IGDCC3: variants seen among roughly 807,000 people sequenced by gnomAD.
IGDCC3 encodes immunoglobulin superfamily DCC subclass member 3.
IGDCC3 carries 47 observed loss-of-function variants against 72.0 expected under a neutral mutation model. The observed-to-expected ratio is 0.65, with a 90% CI of 0.52 to 0.83. The LOEUF is 0.83. Among genes scored for constraint, IGDCC3 ranks in the 40% least tolerant of loss-of-function variants. The pLI, the probability that IGDCC3 is intolerant of heterozygous loss-of-function variation, is 0.00. For synonymous variants in IGDCC3, 477 were observed against 472.8 expected (o/e 1.01, Z -0.11); for missense variants, 1,038 against 1,091.3 (o/e 0.95, Z 0.69).
At position 65,330,653 on chromosome 15, in the gene IGDCC3, G is replaced by A. The variant is rs147526943; in HGVS notation, c.1650C>T (p.His550=). ...GGTAAAACAGCTTGAAGCCGCCCTCGTGCTGGGCCAGCCGGGGCCAAGGCT... is the reference window on the plus strand; with the variant it reads ...GGTAAAACAGCTTGAAGCCGCCCTCATGCTGGGCCAGCCGGGGCCAAGGCT... ...LWEPWPRLAQ[H]EGGFKLFYRP... Residue 550 remains histidine, a synonymous_variant, in exon 10 of 14, where the codon CAC becomes CAT. Transcript: ENST00000327987. 56 of 1,613,430 alleles carry A rather than the reference G, an allele frequency of 3.5e-5. 1 individual carries two copies. In the African/African-American group the frequency reaches 3.7e-4, roughly 11 times the overall value.
At chr15:65,336,095 G>A (rs757491672) in intron 2 of IGDCC3, 139 bp from the exon 3 acceptor site, 1 of 813,328 alleles carries the variant, frequency 1.2e-6, no homozygotes, top group Non-Finnish European at 2.0e-6. Flanking sequence ...AAGGGCAATA[G>A]CTTGGGGGAC....
Position 65,330,551 on chromosome 15 carries a change from G to A in IGDCC3, c.1752C>T (p.Leu584=), listed in dbSNP as rs137911805. The A allele has an allele frequency of 1.2e-4, 191 of 1,612,528 alleles. No homozygotes were observed. In the Middle Eastern group the frequency reaches 1.3e-3, roughly 11 times the overall value. The change falls in exon 10 of 14, where the codon CTC becomes CTT. Residue 584 remains leucine, a splice_region_variant and synonymous_variant. Coordinates refer to ENST00000327987, the MANE Select transcript of IGDCC3 (RefSeq NM_004884.4). ...GGCTCTGGGCTGTGTCTGCCTCACC[G>A]AGCTGGCTGAGGTTGTAGGAGGAGA... ...GTVSSYNLSQ[L]DPTAVYEVKL... is the part of the protein sequence containing the mutation.
At chr15:65,341,917 GCA>G (rs1314786282) in intron 2 of IGDCC3, among the ~76,000 whole-genome samples, 1 of 152,178 alleles carries the variant, frequency 6.6e-6, no homozygotes, top group Non-Finnish European at 1.5e-5. Context: ...GGGGTTACAG[GCA>G]CCTGCCACCA....
chr15:65,345,422 C>G (rs571392765), intron 2 of IGDCC3, among the ~76,000 whole-genome samples: 28 of 152,126 alleles, frequency 1.8e-4, no homozygotes, highest in Middle Eastern at 3.4e-3. Flanking sequence ...GGTATGGTGG[C>G]GTGTGCCTGT....
Position 65,377,758 on chromosome 15 carries a change from G to A in IGDCC3, c.31C>T (p.Arg11Cys), listed in dbSNP as rs1348250857. The change falls in exon 1 of 14, where the codon CGC becomes TGC. Residue 11 changes from arginine (R) to cysteine (C), a missense_variant. Transcript: ENST00000327987. The surrounding 1 kb of genome is among the most constrained non-coding windows in gnomAD (Gnocchi z 4.9). Reference protein sequence around the residue: MAVQRAASPRRPPAPLWPRLL... With the variant: MAVQRAASPRCPPAPLWPRLL... ...CGGGGCCAGAGCGGGGCGGGCGGGCGGCGCGGAGACGCGGCGCGCTGCACA... is the reference window on the plus strand; with the variant it reads ...CGGGGCCAGAGCGGGGCGGGCGGGCAGCGCGGAGACGCGGCGCGCTGCACA... 11 of 1,308,224 alleles carry A rather than the reference G, an allele frequency of 8.4e-6. No individual in the cohort carries two copies. The East Asian group carries it at 1.6e-4, about 19-fold the overall frequency. The allele number at this position is 1,308,224 out of a possible 1,614,324, so 81.0% of individuals were successfully genotyped here. A position where few individuals can be genotyped will look rare whatever the true frequency, so the allele number is the denominator to read the frequency against.
chr15:65,350,370 C>T (rs62015026), intron 2 of IGDCC3, among the ~76,000 whole-genome samples: 25 of 151,718 alleles, frequency 1.6e-4, no homozygotes, highest in African/African-American at 5.6e-4. Flanking sequence ...GACCTCAGCC[C>T]GCCTCAGCCT....
Position 65,370,560 on chromosome 15 carries a change from ATATATATATGTATG to A in IGDCC3, c.409+4523_409+4536del, listed in dbSNP as rs1326175110. Among the ~76,000 whole-genome samples the A allele has an allele frequency of 2.3e-3, 303 of 130,208 alleles. 1 individual carries two copies. Among genetic ancestry groups the A allele is most frequent in the Non-Finnish European group, 3.2e-3 (204 of 63,742 alleles). 85.4% of individuals were successfully genotyped at this position (130,208 alleles called of 152,430 possible). On this transcript the variant is annotated intron_variant, in intron 2 of 13. Transcript: ENST00000327987. ...TATTTATATATATATGTGTGTGTGT[ATATATATATGTATG>A]TATATATATGTATGTATATATATGT...
At chr15:65,331,301 G>C in intron 8 of IGDCC3, 87 bp from the exon 9 acceptor site, 2 of 1,565,470 alleles carry the variant, frequency 1.3e-6, no homozygotes, top group Non-Finnish European at 1.7e-6. Flanking sequence ...CAGGGTGCCC[G>C]GGGGGACAGC....
Position 65,329,913 on chromosome 15 carries a change from C to T in IGDCC3, c.1859-49G>A, listed in dbSNP as rs1423229210. Reference sequence around the variant, plus strand: ...GCTTTGGCTCTCCAGGTCTGAAGCACTCCCAAACACCCAGCCTCTGGGGAC... The same window carrying T: ...GCTTTGGCTCTCCAGGTCTGAAGCATTCCCAAACACCCAGCCTCTGGGGAC... On this transcript the variant is annotated intron_variant, in intron 11 of 13. Transcript: ENST00000327987. The surrounding 1 kb of genome is among the most constrained non-coding windows in gnomAD (Gnocchi z 4.1). The T allele has an allele frequency of 6.2e-7, 1 of 1,604,666 alleles. No homozygotes were observed. The highest frequency in any genetic ancestry group is 8.5e-7 in the Non-Finnish European group (1 of 1,173,486).
Position 65,371,549 on chromosome 15 carries a change from A to G in IGDCC3, c.409+3548T>C, listed in dbSNP as rs371888703. ...TATTGGCATTACCTGGGCTCTTGTC[A>G]GTCCTTGGCCTAGAATTATGAATTC... On this transcript the variant is annotated intron_variant, in intron 2 of 13. Transcript: ENST00000327987. Among the ~76,000 whole-genome samples the G allele has an allele frequency of 3.0e-4, 46 of 152,318 alleles. 2 individuals are homozygous for G. The highest frequency in any genetic ancestry group is 1.0e-3 in the African/African-American group (42 of 41,562).
At chr15:65,363,936 G>C (rs1356826100) in intron 2 of IGDCC3, among the ~76,000 whole-genome samples, 3 of 152,048 alleles carry the variant, frequency 2.0e-5, no homozygotes, top group African/African-American at 7.3e-5. Flanking sequence ...GCCAGCTCTT[G>C]CCCGCCTCAC....
chr15:65,377,446 GC>G lies in IGDCC3; in HGVS notation c.103+239del, dbSNP rs2091365734. ...CTGCACTCCTTGCTCCTCAGTCTGG[GC>G]TCCGGGTCCTGCCCCAGTCTTCCTC... On this transcript the variant is annotated intron_variant, in intron 1 of 13. Transcript: ENST00000327987. The surrounding 1 kb of genome is among the most constrained non-coding windows in gnomAD (Gnocchi z 4.9). Among the ~76,000 whole-genome samples the G allele has an allele frequency of 1.3e-5, 2 of 152,100 alleles. No homozygotes were observed. Among genetic ancestry groups the G allele is most frequent in the Admixed American group, 1.3e-4 (2 of 15,284 alleles).
At position 65,329,288 on chromosome 15, in the gene IGDCC3, G is replaced by C; in HGVS notation, c.2205+102C>G. The C allele has an allele frequency of 6.8e-7, 1 of 1,477,578 alleles. No homozygotes were observed. Among genetic ancestry groups the C allele is most frequent in the South Asian group, 1.3e-5 (1 of 76,296 alleles). The allele number at this position is 1,477,578 out of a possible 1,614,324, so 91.5% of individuals were successfully genotyped here. A position where few individuals can be genotyped will look rare whatever the true frequency, so the allele number is the denominator to read the frequency against. On this transcript the variant is annotated intron_variant, in intron 13 of 13. Transcript: ENST00000327987. The surrounding 1 kb of genome is among the most constrained non-coding windows in gnomAD (Gnocchi z 4.1). ...AAGAGAAGACCTGCAGTTTGACTAAGGCCAATGATCGAGGCCCGTGGCCAA... is the reference window on the plus strand; with the variant it reads ...AAGAGAAGACCTGCAGTTTGACTAACGCCAATGATCGAGGCCCGTGGCCAA...
intron 2 of IGDCC3, among the ~76,000 whole-genome samples, chr15:65,361,816 C>A (rs1278323517): frequency 6.6e-6 from 1 of 152,186 alleles, no homozygotes; most frequent in Admixed American, 6.5e-5. Flanking sequence ...GGGGTAGGGG[C>A]GCCGCTCCTC....
Position 65,377,956 on chromosome 15 carries a change from G to T in IGDCC3, c.-168C>A. 1.9e-6 allele frequency: 1 copy of T among 537,774 alleles called. No individual in the cohort carries two copies. The highest frequency in any genetic ancestry group is 2.4e-6 in the Non-Finnish European group (1 of 416,562). The allele number at this position is 537,774 out of a possible 1,614,324, so 33.3% of individuals were successfully genotyped here. A position where few individuals can be genotyped will look rare whatever the true frequency, so the allele number is the denominator to read the frequency against. On this transcript the variant is annotated 5_prime_UTR_variant, in exon 1 of 14. It adds an upstream start codon to the 5' untranslated region. Transcript: ENST00000327987. The surrounding 1 kb of genome is among the most constrained non-coding windows in gnomAD (Gnocchi z 4.9). ...CCTGCTCAGCAGCGCGGGGGGCGCAGGGGGAGCGCCGCTTGCGCCATCTTG... is the reference window on the plus strand; with the variant it reads ...CCTGCTCAGCAGCGCGGGGGGCGCATGGGGAGCGCCGCTTGCGCCATCTTG...
At chr15:65,353,572 A>G (rs987004207) in intron 2 of IGDCC3, among the ~76,000 whole-genome samples, 1 of 152,120 alleles carries the variant, frequency 6.6e-6, no homozygotes, top group Non-Finnish European at 1.5e-5. Flanking sequence ...GGCATTCTAA[A>G]TCACAGGATA....
At chr15:65,363,933 C>G (rs968209016) in intron 2 of IGDCC3, among the ~76,000 whole-genome samples, 2 of 152,174 alleles carry the variant, frequency 1.3e-5, no homozygotes, top group Non-Finnish European at 2.9e-5. Flanking sequence ...CCAGCCAGCT[C>G]TTGCCCGCCT....
chr15:65,356,705 G>T (rs2091223137), intron 2 of IGDCC3, among the ~76,000 whole-genome samples: 2 of 144,682 alleles, frequency 1.4e-5, no homozygotes, highest in Admixed American at 6.9e-5. Flanking sequence ...TTGGGGGGGT[G>T]GGTGGGGAGA....
At position 65,328,451 on chromosome 15, in the gene IGDCC3, G is replaced by GA. The variant is rs2090941843; in HGVS notation, c.*457dup. The GA allele has an allele frequency of 1.3e-5, 2 of 153,240 alleles. No individual in the cohort carries two copies. Among genetic ancestry groups the GA allele is most frequent in the African/African-American group, 4.8e-5 (2 of 41,450 alleles). 9.5% of individuals were successfully genotyped at this position (153,240 alleles called of 1,614,324 possible). On this transcript the variant is annotated 3_prime_UTR_variant, in exon 14 of 14. Coordinates refer to ENST00000327987, the MANE Select transcript of IGDCC3 (RefSeq NM_004884.4). ...GCCCCCCAGGACATTCATTCCGGCT[G>GA]AGGTAGGTGCTGAGAGCCAAAACAG...
Sources: allele counts gnomAD v4.1 joint callset (sites outside exome capture counted in the v4.1 genomes callset), GRCh38; gene constraint gnomAD v4.1.1; non-coding constraint Gnocchi (gnomAD v3.1); transcripts MANE v1.5; gene names NCBI Gene and HGNC (gene_info 2026-07-23, HGNC 2026-07-21).